RB1CC1: variants seen among roughly 807,000 people sequenced by gnomAD.
The protein encoded by RB1CC1 is RB1 inducible coiled-coil 1.
Under a neutral mutation model 177.5 loss-of-function variants are expected in RB1CC1, and 46 were observed. That is an observed-to-expected ratio of 0.26 (90% confidence interval 0.20 to 0.33). The LOEUF is 0.33. RB1CC1 is among the 10% of genes least tolerant of loss of function. RB1CC1 has a pLI of 1.00. For synonymous variants in RB1CC1, 666 were observed against 613.6 expected, an observed-to-expected ratio of 1.09 and a Z score of -1.26; for missense variants, 1,703 against 1,816.3, an observed-to-expected ratio of 0.94 and a Z score of 1.13.
At chr8:52,710,014 C>T (rs1181609502) in intron 1 of RB1CC1, among the ~76,000 whole-genome samples, 1 of 152,182 alleles carries the variant, frequency 6.6e-6, no homozygotes, top group Non-Finnish European at 1.5e-5. Context: ...AATAATTTTG[C>T]CTGATCTCTA....
chr8:52,711,695 T>C (rs931917353), intron 1 of RB1CC1, among the ~76,000 whole-genome samples: 4 of 152,264 alleles, frequency 2.6e-5, no homozygotes, highest in Non-Finnish European at 2.9e-5. Context: ...AATTCATCTG[T>C]AGACCTTTGT....
rs537125703 is a variant in RB1CC1 at position 52,654,186 on chromosome 8, C to T, written c.3821+1822G>A. On this transcript the variant is annotated intron_variant, in intron 15 of 23. Transcript: ENST00000025008. ...TCTTTATTTGGAAGCTCAATATGGG[C>T]AAAAGACATTTATCTGTCTAAATGC... Among the ~76,000 whole-genome samples, 71 of 152,270 alleles carry T rather than the reference C, an allele frequency of 4.7e-4. 1 individual carries two copies. In the South Asian group the frequency reaches 0.014, roughly 31 times the overall value.
At chr8:52,654,370 C>A (rs34687565) in intron 15 of RB1CC1, among the ~76,000 whole-genome samples, 26 of 152,262 alleles carry the variant, frequency 1.7e-4, no homozygotes, top group East Asian at 7.7e-4. Context: ...AGAAGATGTG[C>A]AAGGTTTTGG....
rs1157682411 is a variant in RB1CC1 at position 52,623,831 on chromosome 8, C to T, written c.4736G>A (p.Gly1579Glu). The change falls in exon 24 of 24, where the codon GGG (glycine) becomes GAG (glutamate). Residue 1579 changes from glycine (G) to glutamate (E), a missense_variant. By Grantham distance (98) the Gly-to-Glu change is moderately conservative. This residue lies in a region of RB1CC1 where 70 missense variants were observed against 118.0 expected (regional missense o/e 0.59). Transcript: ENST00000025008. ...GGCTTTCACTCTGTAAAACTTTGTC[C>T]CCAAAGGAACTTTAAATCTGTTTTG... ...KAQNRFKVPL[G>E]TKFYRVKAVS... 6.2e-7 allele frequency: 1 copy of T among 1,609,034 alleles called. No homozygotes were observed. The highest frequency in any genetic ancestry group is 8.5e-7 in the Non-Finnish European group (1 of 1,176,088).
At position 52,673,958 on chromosome 8, in the gene RB1CC1, T is replaced by C. The variant is rs369439520; in HGVS notation, c.889A>G (p.Lys297Glu). ...TTAAAAAAGGGCAGATCACCATCTT[T>C]AGTGTCAATCGTAGTTTCATCTTGC... is the stretch of plus-strand genomic sequence containing the variant. Reference protein sequence around the residue: ...HQQDETTIDTKDGDLPFFNVS... With the variant: ...HQQDETTIDTEDGDLPFFNVS... Residue 297 changes from lysine (K) to glutamate (E), a missense_variant, in exon 7 of 24, where the codon AAA (lysine) becomes GAA (glutamate). By Grantham distance (56) the Lys-to-Glu change is moderately conservative. Around this residue, in one of 6 missense-constraint regions of RB1CC1, gnomAD observed 315 missense variants for 304.9 expected, o/e 1.03. Coordinates refer to ENST00000025008, the MANE Select transcript of RB1CC1 (RefSeq NM_014781.5). 20 of 1,614,190 alleles carry C rather than the reference T, an allele frequency of 1.2e-5. No individual in the cohort carries two copies. Among genetic ancestry groups the C allele is most frequent in the Non-Finnish European group, 1.7e-5 (20 of 1,180,020 alleles).
At chr8:52,694,923 C>T (rs1042985480) in intron 1 of RB1CC1, among the ~76,000 whole-genome samples, 1 of 152,202 alleles carries the variant, frequency 6.6e-6, no homozygotes. Flanking sequence ...GATGTGATTA[C>T]TGGTGAAAAT....
chr8:52,675,800 T>C (rs938398640), intron 6 of RB1CC1, among the ~76,000 whole-genome samples: 2 of 142,996 alleles, frequency 1.4e-5, no homozygotes, highest in Non-Finnish European at 3.0e-5. Context: ...GGCAGAAGAA[T>C]GGAGTAAACC....
intron 1 of RB1CC1, among the ~76,000 whole-genome samples, chr8:52,699,982 C>T (rs1309884199): frequency 6.6e-6 from 1 of 151,280 alleles, no homozygotes; most frequent in Admixed American, 6.6e-5. Context: ...TTATAAAAGG[C>T]TACTACAAAG....
chr8:52,664,287 T>C (rs1434167578), intron 8 of RB1CC1, among the ~76,000 whole-genome samples: 1 of 152,172 alleles, frequency 6.6e-6, no homozygotes, highest in Non-Finnish European at 1.5e-5. Context: ...TTGGGGTCTA[T>C]ATTTCTGTCT....
intron 15 of RB1CC1, among the ~76,000 whole-genome samples, chr8:52,651,481 T>C (rs1364596513): frequency 1.3e-5 from 2 of 152,240 alleles, no homozygotes; most frequent in Non-Finnish European, 2.9e-5. Context: ...CAACCATTTC[T>C]TTAGGCTAAT....
intron 5 of RB1CC1, among the ~76,000 whole-genome samples, chr8:52,683,260 TC>T (rs1300573657): frequency 6.6e-6 from 1 of 152,146 alleles, no homozygotes; most frequent in Non-Finnish European, 1.5e-5. Context: ...CTAACGTAGG[TC>T]CTTTATTAAT....
chr8:52,669,754 G>A (rs1852387538), intron 7 of RB1CC1, among the ~76,000 whole-genome samples: 1 of 152,124 alleles, frequency 6.6e-6, no homozygotes, highest in Non-Finnish European at 1.5e-5. Context: ...TTATTAGCAT[G>A]ATAAAGATGA....
intron 8 of RB1CC1, among the ~76,000 whole-genome samples, chr8:52,665,947 C>A (rs184003464): frequency 6.6e-6 from 1 of 152,144 alleles, no homozygotes; most frequent in Non-Finnish European, 1.5e-5. Context: ...AGTTTATTTG[C>A]GTTCAGATCC....
At chr8:52,624,933 A>G in intron 22 of RB1CC1, 146 bp from the exon 23 acceptor site, 1 of 583,008 alleles carries the variant, frequency 1.7e-6, no homozygotes, top group Non-Finnish European at 2.9e-6. Flanking sequence ...AATCACTGAA[A>G]TGCTTAACAA....
At chr8:52,666,216 G>C (rs1852054915) in intron 8 of RB1CC1, among the ~76,000 whole-genome samples, 1 of 152,020 alleles carries the variant, frequency 6.6e-6, no homozygotes, top group South Asian at 2.1e-4. Context: ...ATAAGAGTGA[G>C]AATTATAAGA....
At chr8:52,666,265 C>A (rs1326457717) in intron 8 of RB1CC1, among the ~76,000 whole-genome samples, 1 of 151,930 alleles carries the variant, frequency 6.6e-6, no homozygotes, top group African/African-American at 2.4e-5. Context: ...GTGGCTCACA[C>A]CTGTAATCCC....
In RB1CC1 at chr8:52,661,665, G is replaced by GTAA; in HGVS notation, c.1225_1227dup (p.Leu409dup). On this transcript the variant is annotated inframe_insertion, in exon 9 of 24. Coordinates refer to ENST00000025008, the MANE Select transcript of RB1CC1 (RefSeq NM_014781.5). ...TTTGCGTGACTCAGGCATAAATCAG[G>GTAA]TAATACAGATGCATCCTTTAAGTTT... 6.2e-7 allele frequency: 1 copy of GTAA among 1,610,488 alleles called. No homozygotes were observed. The highest frequency in any genetic ancestry group is 8.5e-7 in the Non-Finnish European group (1 of 1,178,856).
At position 52,661,215 on chromosome 8, in the gene RB1CC1, G is replaced by T. The variant is rs768509093; in HGVS notation, c.1425C>A (p.Leu475=). 6.2e-7 allele frequency: 1 copy of T among 1,613,786 alleles called. No homozygotes were observed. The highest frequency in any genetic ancestry group is 2.2e-5 in the East Asian group (1 of 44,830). ...TGACTCTTTCTAACAGCTCTATTAC[G>T]AGGCGGAGCAAAGCTTGTAACTTCT... ...DGEKLQALLR[L]VIELLERVKI... Residue 475 remains leucine, a synonymous_variant, in exon 10 of 24, where the codon CTC becomes CTA. Transcript: ENST00000025008.
rs757430446 is a variant in RB1CC1, at chr8:52,673,904, G to C, written c.943C>G (p.Gln315Glu). 3.7e-6 allele frequency: 6 copies of C among 1,614,016 alleles called. No individual in the cohort carries two copies. The Admixed American group carries it at 1.0e-4, about 27-fold the overall frequency. The change falls in exon 7 of 24, where the codon CAA becomes GAA. Residue 315 changes from glutamine (Q) to glutamate (E), a missense_variant. This residue lies in a region of RB1CC1 where 315 missense variants were observed against 304.9 expected (regional missense o/e 1.03). Coordinates refer to ENST00000025008, the MANE Select transcript of RB1CC1 (RefSeq NM_014781.5). ...NVSLLDWINV[Q>E]DRPNDVESLV... ...GATTCCACATCATTAGGTCTATCTT[G>C]AACATTTATCCAGTCTAACAAAGAG...
Sources: allele counts gnomAD v4.1 joint callset (sites outside exome capture counted in the v4.1 genomes callset), GRCh38; gene constraint gnomAD v4.1.1; regional missense constraint gnomAD v4.1.1; transcripts MANE v1.5; gene names NCBI Gene and HGNC (gene_info 2026-07-23, HGNC 2026-07-21).